The following HBS1L variants were observed in gnomAD, a reference collection of about 807,000 sequenced individuals.
HBS1L encodes the protein HBS1 like translational GTPase, also known as HBS1-like protein.
Under a neutral mutation model 88.9 loss-of-function variants are expected in HBS1L, and 55 were observed. The observed-to-expected ratio is 0.62, with a 90% CI of 0.50 to 0.77. HBS1L has a LOEUF of 0.77. HBS1L is among the 30% of genes least tolerant of loss of function. The probability of loss-of-function intolerance (pLI) is 0.00; values close to 1 mark genes in which losing one functional copy is unlikely to be tolerated. For synonymous variants in HBS1L, 267 were observed against 288.5 expected (o/e 0.93, Z 0.76); for missense variants, 741 against 829.3 (o/e 0.89, Z 1.31).
chr6:134,982,072 A>G (rs1369645212), intron 13 of HBS1L, among the ~76,000 whole-genome samples: 3 of 152,068 alleles, frequency 2.0e-5, no homozygotes, highest in Non-Finnish European at 4.4e-5. Context: ...AAAGTAACAG[A>G]CTGTAGAAGG....
chr6:135,037,121 T>C, intron 4 of HBS1L: 1 of 1,551,538 alleles, frequency 6.4e-7, no homozygotes, highest in Non-Finnish European at 8.7e-7. Context: ...AGGTCTCTTG[T>C]GGGAGAAGCT....
In HBS1L at chr6:135,043,639, G is replaced by A. The variant is rs532644923; in HGVS notation, c.110-1513C>T. The stretch of plus-strand genomic sequence containing the variant: ...TCTAAAAGCCAAATGAGTAATACCA[G>A]ACAACAAGCACTGCGGAAGCACAGA... On this transcript the variant is annotated intron_variant, in intron 2 of 17. Coordinates refer to ENST00000367837, the MANE Select transcript of HBS1L (RefSeq NM_006620.4). 9.2e-5 allele frequency among the ~76,000 whole-genome samples: 14 copies of A among 152,264 alleles called. No homozygotes were observed. The East Asian group carries it at 2.5e-3, about 27-fold the overall frequency.
Position 135,016,798 on chromosome 6 carries a change from C to T in HBS1L, c.431-13956G>A, listed in dbSNP as rs77843223. On this transcript the variant is annotated intron_variant, in intron 4 of 17. Transcript: ENST00000367837. ...AGTCCAGTGCCTGGTACATATTAGG[C>T]ACTGAAATATTTAATAAAATTATTT... 3.9e-5 allele frequency among the ~76,000 whole-genome samples: 6 copies of T among 152,158 alleles called. No individual in the cohort carries two copies. The East Asian group carries it at 9.6e-4, about 24-fold the overall frequency.
At chr6:135,010,835 T>C (rs906701620) in intron 4 of HBS1L, among the ~76,000 whole-genome samples, 4 of 152,140 alleles carry the variant, frequency 2.6e-5, no homozygotes, top group African/African-American at 9.7e-5. Context: ...CTACCAGATA[T>C]CAAGATACCA....
At position 135,024,207 on chromosome 6, in the gene HBS1L, G is replaced by A. The variant is rs189704496; in HGVS notation, c.430+15366C>T. Among the ~76,000 whole-genome samples the A allele has an allele frequency of 8.5e-3, 1,288 of 152,150 alleles. 12 individuals are homozygous for A. Among genetic ancestry groups the A allele is most frequent in the African/African-American group, 0.029 (1,214 of 41,538 alleles). ...TGTAATCCCAGCACTTTGGGAGGCC[G>A]AGGCGGGCGGATCACGAGGTCAGGA... On this transcript the variant is annotated intron_variant, in intron 4 of 17. Coordinates refer to ENST00000367837, the MANE Select transcript of HBS1L (RefSeq NM_006620.4).
rs185160722 is a variant in HBS1L, at chr6:135,037,421, C to T, written c.430+2152G>A. The T allele has an allele frequency of 4.2e-5, 65 of 1,549,920 alleles. 1 individual carries two copies. The African/African-American group carries it at 7.7e-4, about 18-fold the overall frequency. On this transcript the variant is annotated intron_variant, in intron 4 of 17. Transcript: ENST00000367837. Reference sequence around the variant, plus strand: ...TGTTCAACTAAAGAAACATTTCCAACTTCAGTTTCTTTACTAGCATTTAAA... The same window carrying T: ...TGTTCAACTAAAGAAACATTTCCAATTTCAGTTTCTTTACTAGCATTTAAA...
rs1465033542 is a variant in HBS1L at position 135,039,555 on chromosome 6, G to A, written c.430+18C>T. 2.5e-6 allele frequency: 4 copies of A among 1,601,162 alleles called. No individual in the cohort carries two copies. The highest frequency in any genetic ancestry group is 2.6e-6 in the Non-Finnish European group (3 of 1,173,406). On this transcript the variant is annotated intron_variant, in intron 4 of 17. Transcript: ENST00000367837. ...TTAACTATGTAAAACAAGTGAAAAA[G>A]AACAAGTAAAGGCATACCTTTTGCT...
Position 135,020,730 on chromosome 6 carries a change from C to T in HBS1L, c.431-17888G>A, listed in dbSNP as rs565135043. The stretch of plus-strand genomic sequence containing the variant: ...TTAAAAATGCCCATCCCTTTTCATC[C>T]AGCAATTCCACTCTAAAATCATATC... On this transcript the variant is annotated intron_variant, in intron 4 of 17. Coordinates refer to ENST00000367837, the MANE Select transcript of HBS1L (RefSeq NM_006620.4). 5.9e-5 allele frequency among the ~76,000 whole-genome samples: 9 copies of T among 151,956 alleles called. No homozygotes were observed. In the South Asian group the frequency reaches 1.7e-3, roughly 28 times the overall value.
intron 4 of HBS1L, among the ~76,000 whole-genome samples, chr6:135,031,444 T>C (rs1449771687): frequency 1.3e-5 from 2 of 152,080 alleles, no homozygotes; most frequent in Admixed American, 6.5e-5. Context: ...CACACACACA[T>C]ACATTTACTT....
intron 4 of HBS1L, chr6:135,036,963 G>C: frequency 2.6e-6 from 4 of 1,551,380 alleles, no homozygotes; most frequent in African/African-American, 2.7e-5. Context: ...CAAAATCTGG[G>C]TTTTTTATAA....
At chr6:135,042,848 A>G (rs1250754369) in intron 2 of HBS1L, among the ~76,000 whole-genome samples, 1 of 151,234 alleles carries the variant, frequency 6.6e-6, no homozygotes, top group Non-Finnish European at 1.5e-5. Context: ...ACAGAAAAGA[A>G]AACACATGAA....
chr6:134,970,963 T>A (rs1347622972), intron 15 of HBS1L, among the ~76,000 whole-genome samples: 2 of 152,214 alleles, frequency 1.3e-5, no homozygotes, highest in Non-Finnish European at 2.9e-5. Flanking sequence ...TACAATTTAA[T>A]GCTGTTTGTA....
intron 4 of HBS1L, chr6:135,038,150 C>T: frequency 1.4e-6 from 1 of 712,238 alleles, no homozygotes; most frequent in South Asian, 2.2e-5. Context: ...TTGATTATGA[C>T]ATGAATAAAG....
At chr6:135,000,700 C>G (rs983427751) in intron 5 of HBS1L, among the ~76,000 whole-genome samples, 1 of 151,434 alleles carries the variant, frequency 6.6e-6, no homozygotes, top group Non-Finnish European at 1.5e-5. Flanking sequence ...GGCTGGAATG[C>G]AATGGCAGGA....
At chr6:135,054,547 G>A in intron 1 of HBS1L, 102 bp downstream of exon 1, 2 of 1,358,292 alleles carry the variant, frequency 1.5e-6, no homozygotes, top group Non-Finnish European at 2.1e-6. Context: ...ATCCCGACAG[G>A]GCAACACTGA....
chr6:134,970,741 A>G (rs1774458848), intron 15 of HBS1L, among the ~76,000 whole-genome samples: 1 of 152,182 alleles, frequency 6.6e-6, no homozygotes, highest in South Asian at 2.1e-4. Flanking sequence ...GCCTATAGAA[A>G]TCATATAAAT....
chr6:134,971,081 C>T (rs184230567), intron 15 of HBS1L, among the ~76,000 whole-genome samples: 4 of 146,592 alleles, frequency 2.7e-5, no homozygotes, highest in Non-Finnish European at 4.5e-5. Flanking sequence ...ACTTTGGGAA[C>T]TTTCTAAACC....
intron 16 of HBS1L, 42 bp from the exon 17 acceptor site, chr6:134,966,515 TGA>T (rs754389331): frequency 7.9e-7 from 1 of 1,273,822 alleles, no homozygotes; most frequent in Non-Finnish European, 1.1e-6. Flanking sequence ...ATGATAGAGG[TGA>T]ATAAATGTAA....
rs2114785080 is a variant in HBS1L at position 134,987,644 on chromosome 6, C to T, written c.1230+1G>A. 6.3e-7 allele frequency: 1 copy of T among 1,596,580 alleles called. No individual in the cohort carries two copies. The highest frequency in any genetic ancestry group is 8.5e-7 in the Non-Finnish European group (1 of 1,171,886). On this transcript the variant is annotated splice_donor_variant, in intron 9 of 17. Transcript: ENST00000367837. LOFTEE classifies it high-confidence loss of function. ...CAAATCTCCACAAAGCCCTTAAATA[C>T]CTGATCCATTTTATTAACTGCAACT...
Sources: gnomAD v4.1 joint callset for allele counts (sites outside exome capture counted in the v4.1 genomes callset) on GRCh38, gnomAD v4.1.1 for gene constraint, MANE v1.5 for transcripts, NCBI Gene and HGNC (gene_info 2026-07-23, HGNC 2026-07-21) for gene names.